Variants in ROPN1 observed in about 807,000 individuals in gnomAD.
ROPN1 encodes the protein ropporin-1A.
A neutral mutation model predicts 20.5 loss-of-function variants in ROPN1; 14 were observed. The ratio of observed to expected loss-of-function variants is 0.68; its 90% confidence interval spans 0.45 to 1.07. ROPN1 has a LOEUF of 1.07. Ranked by LOEUF, ROPN1 falls within the 50% of genes least tolerant of loss-of-function variation. The pLI is 0.00. For missense variants in ROPN1, 169 were observed against 242.8 expected (o/e 0.70, Z 2.02); for synonymous variants, 76 against 95.7 (o/e 0.79, Z 1.20).
At chr3:123,974,584 T>A (rs2037980338) in intron 4 of ROPN1, 1 of 152,424 alleles carries the variant, frequency 6.6e-6, no homozygotes, top group African/African-American at 2.4e-5. Context: ...GCTGAATGAT[T>A]CAGACTACCT....
In ROPN1 at chr3:123,989,811, A is replaced by C. The variant is rs528467518; in HGVS notation, c.-13+2111T>G. 2.0e-5 allele frequency among the ~76,000 whole-genome samples: 3 copies of C among 152,216 alleles called. No individual in the cohort carries two copies. The South Asian group carries it at 6.2e-4, about 32-fold the overall frequency. ...AATTTTGCCTGCCTGGCACCTCAGCAATTTCTCTGCTCTCCAGTCAGCTGT... is the reference window on the plus strand; with the variant it reads ...AATTTTGCCTGCCTGGCACCTCAGCCATTTCTCTGCTCTCCAGTCAGCTGT... On this transcript the variant is annotated intron_variant, in intron 1 of 5. Transcript: ENST00000405845.
intron 4 of ROPN1, chr3:123,975,102 A>G: frequency 2.1e-6 from 1 of 475,258 alleles, no homozygotes; most frequent in Non-Finnish European, 3.9e-6. Flanking sequence ...GAGTGAAAAT[A>G]AATCTGAGGG....
intron 1 of ROPN1, among the ~76,000 whole-genome samples, chr3:123,982,988 C>T (rs896642783): frequency 6.6e-6 from 1 of 152,106 alleles, no homozygotes; most frequent in Non-Finnish European, 1.5e-5. Flanking sequence ...TGGTTTATTT[C>T]GCTTAGCACA....
chr3:123,987,233 G>T (rs1402341141), intron 1 of ROPN1, among the ~76,000 whole-genome samples: 1 of 152,214 alleles, frequency 6.6e-6, no homozygotes, highest in African/African-American at 2.4e-5. Context: ...GTGGACCCTG[G>T]TGAGAGCAGG....
chr3:123,971,744 AAAAC>A (rs2037923619), intron 4 of ROPN1, among the ~76,000 whole-genome samples: 1 of 152,278 alleles, frequency 6.6e-6, no homozygotes, highest in African/African-American at 2.4e-5. Context: ...GTTTCTGTAA[AAAAC>A]AAACAAATGA....
intron 1 of ROPN1, chr3:123,981,309 C>G (rs2038141749): frequency 6.6e-6 from 1 of 152,414 alleles, no homozygotes; most frequent in South Asian, 2.1e-4. Context: ...TGAGAGAAAT[C>G]TTCCAGTGGC....
At chr3:123,971,359 G>T (rs1318297341) in intron 4 of ROPN1, among the ~76,000 whole-genome samples, 2 of 152,130 alleles carry the variant, frequency 1.3e-5, no homozygotes, top group Non-Finnish European at 2.9e-5. Flanking sequence ...AACATAATTT[G>T]TAATAATTAT....
chr3:123,984,909 G>T (rs969561342), intron 1 of ROPN1, among the ~76,000 whole-genome samples: 2 of 151,864 alleles, frequency 1.3e-5, no homozygotes, highest in Non-Finnish European at 2.9e-5. Flanking sequence ...ACTTCCCCAG[G>T]GTTTTTCATA....
At chr3:123,977,931 A>G (rs981349374) in intron 2 of ROPN1, among the ~76,000 whole-genome samples, 20 of 152,212 alleles carry the variant, frequency 1.3e-4, no homozygotes, top group Non-Finnish European at 2.5e-4. Flanking sequence ...TGGGTCACCA[A>G]TGCAGCATGG....
At chr3:123,974,918 C>CA (rs1577364380) in intron 4 of ROPN1, 2 of 181,894 alleles carry the variant, frequency 1.1e-5, no homozygotes, top group East Asian at 2.8e-4. Flanking sequence ...CCTCATCTCT[C>CA]TTTTTTTTTG....
intron 1 of ROPN1, among the ~76,000 whole-genome samples, chr3:123,990,705 T>C (rs1415973563): frequency 2.6e-5 from 4 of 152,068 alleles, no homozygotes; most frequent in Non-Finnish European, 5.9e-5. Context: ...TCTTCAATTA[T>C]ACATTCCAGA....
chr3:123,986,524 G>A (rs1238303712), intron 1 of ROPN1, among the ~76,000 whole-genome samples: 2 of 152,120 alleles, frequency 1.3e-5, no homozygotes, highest in Admixed American at 6.5e-5. Flanking sequence ...GCAAGCAGGG[G>A]TGGTTGCTTA....
intron 1 of ROPN1, among the ~76,000 whole-genome samples, chr3:123,986,649 TG>T (rs2038264922): frequency 6.6e-6 from 1 of 151,966 alleles, no homozygotes; most frequent in Admixed American, 6.5e-5. Flanking sequence ...TGGCAGTCAG[TG>T]GGGGTCAGCA....
At chr3:123,986,340 G>A (rs951928810) in intron 1 of ROPN1, among the ~76,000 whole-genome samples, 1 of 151,946 alleles carries the variant, frequency 6.6e-6, no homozygotes, top group Non-Finnish European at 1.5e-5. Context: ...GGTTTCCAAA[G>A]TCCTCAGGGA....
At chr3:123,986,294 A>T (rs532892449) in intron 1 of ROPN1, among the ~76,000 whole-genome samples, 3 of 151,886 alleles carry the variant, frequency 2.0e-5, no homozygotes, top group Admixed American at 6.5e-5. Flanking sequence ...TTTAAAATTA[A>T]ATATTAATAA....
intron 1 of ROPN1, among the ~76,000 whole-genome samples, chr3:123,987,669 T>C (rs1219625488): frequency 6.6e-6 from 1 of 152,246 alleles, no homozygotes; most frequent in African/African-American, 2.4e-5. Flanking sequence ...TTTTCTATCC[T>C]GAGACAAACC....
At chr3:123,990,623 T>G (rs2038385690) in intron 1 of ROPN1, among the ~76,000 whole-genome samples, 1 of 152,252 alleles carries the variant, frequency 6.6e-6, no homozygotes, top group South Asian at 2.1e-4. Context: ...GTCCATTCTA[T>G]CTTAACATTC....
intron 2 of ROPN1, among the ~76,000 whole-genome samples, chr3:123,978,060 T>C (rs1028776606): frequency 6.6e-6 from 1 of 152,148 alleles, no homozygotes; most frequent in Non-Finnish European, 1.5e-5. Context: ...GAAAATAATA[T>C]AGAGGGAATT....
intron 2 of ROPN1, among the ~76,000 whole-genome samples, chr3:123,978,408 C>T (rs2038068664): frequency 6.6e-6 from 1 of 152,190 alleles, no homozygotes; most frequent in South Asian, 2.1e-4. Context: ...TAGAGTAACA[C>T]TCATCACCAA....
Sources: gnomAD v4.1 joint callset for allele counts (sites outside exome capture counted in the v4.1 genomes callset) on GRCh38, gnomAD v4.1.1 for gene constraint, MANE v1.5 for transcripts, NCBI Gene and HGNC (gene_info 2026-07-23, HGNC 2026-07-21) for gene names.